PDE7B: variants seen among roughly 807,000 people sequenced by gnomAD.
The protein encoded by PDE7B is phosphodiesterase 7B.
PDE7B carries 29 observed loss-of-function variants against 56.2 expected under a neutral mutation model. The observed-to-expected ratio is 0.52, with a 90% CI of 0.38 to 0.70. The LOEUF (loss-of-function observed/expected upper bound fraction) is 0.70, where lower values mean the gene tolerates loss of function less well. Among genes scored for constraint, PDE7B ranks in the 30% least tolerant of loss-of-function variants. The pLI is 0.00. For synonymous variants in PDE7B, 197 were observed against 196.9 expected, an observed-to-expected ratio of 1.00 and a Z score of 0.00; for missense variants, 490 against 565.0, an observed-to-expected ratio of 0.87 and a Z score of 1.35.
intron 2 of PDE7B, among the ~76,000 whole-genome samples, chr6:135,962,271 A>G (rs1289915502): frequency 6.6e-6 from 1 of 152,174 alleles, no homozygotes; most frequent in Non-Finnish European, 1.5e-5. Flanking sequence ...TGTTGTTTTC[A>G]TGGACTTTAT....
intron 2 of PDE7B, among the ~76,000 whole-genome samples, chr6:135,965,628 A>T (rs1774984430): frequency 6.6e-6 from 1 of 152,156 alleles, no homozygotes; most frequent in Non-Finnish European, 1.5e-5. Context: ...CCCCTTTATA[A>T]AACCATCAGA....
chr6:136,132,280 G>C lies in PDE7B; in HGVS notation c.167-15071G>C, dbSNP rs73565084. Reference sequence around the variant, plus strand: ...TACTTTACTATACCTTTTTTTTAAAGTACCAAAACTTTAAATCCTTTGGGT... The same window carrying C: ...TACTTTACTATACCTTTTTTTTAAACTACCAAAACTTTAAATCCTTTGGGT... On this transcript the variant is annotated intron_variant, in intron 3 of 12. Transcript: ENST00000308191. Among the ~76,000 whole-genome samples, 524 of 151,600 alleles carry C rather than the reference G, an allele frequency of 3.5e-3. 1 individual carries two copies. Among genetic ancestry groups the C allele is most frequent in the African/African-American group, 0.012 (504 of 41,318 alleles).
chr6:136,125,304 G>T (rs1395509228), intron 3 of PDE7B, among the ~76,000 whole-genome samples: 1 of 152,086 alleles, frequency 6.6e-6, no homozygotes, highest in Non-Finnish European at 1.5e-5. Context: ...CCCGGGCATG[G>T]TCACTCACAC....
chr6:136,125,439 A>T (rs183591535), intron 3 of PDE7B, among the ~76,000 whole-genome samples: 13 of 152,086 alleles, frequency 8.5e-5, no homozygotes, highest in African/African-American at 2.9e-4. Flanking sequence ...TGGTGCACAC[A>T]TGTAGTTCCA....
intron 1 of PDE7B, among the ~76,000 whole-genome samples, chr6:135,867,877 A>G (rs1158749929): frequency 6.6e-6 from 1 of 152,228 alleles, no homozygotes; most frequent in East Asian, 1.9e-4. Context: ...ACAGTTTTTA[A>G]TTGCTACTTT....
chr6:136,149,012 C>T (rs186874444), intron 4 of PDE7B, 75 bp from the exon 5 acceptor site: 2 of 1,014,706 alleles, frequency 2.0e-6, no homozygotes, highest in Admixed American at 3.5e-5. Flanking sequence ...ATTGTTTAAT[C>T]CACTATATCC....
chr6:135,855,239 A>G (rs1425289286), intron 1 of PDE7B, among the ~76,000 whole-genome samples: 1 of 152,230 alleles, frequency 6.6e-6, no homozygotes, highest in African/African-American at 2.4e-5. Flanking sequence ...ATGTAAATGT[A>G]GAAGTGTCAA....
chr6:136,101,451 TG>T (rs1341353358), intron 2 of PDE7B, among the ~76,000 whole-genome samples: 1 of 152,200 alleles, frequency 6.6e-6, no homozygotes, highest in South Asian at 2.1e-4. Context: ...AACCTGTTAT[TG>T]GTCTATTCAG....
chr6:136,101,063 C>CA (rs1396408226), intron 2 of PDE7B, among the ~76,000 whole-genome samples: 1 of 152,192 alleles, frequency 6.6e-6, no homozygotes, highest in Non-Finnish European at 1.5e-5. Context: ...TAATGGATTA[C>CA]ATTTATTGAT....
intron 9 of PDE7B, among the ~76,000 whole-genome samples, chr6:136,177,235 G>A (rs1778992414): frequency 6.6e-6 from 1 of 152,036 alleles, no homozygotes; most frequent in Admixed American, 6.5e-5. Flanking sequence ...GGTGGAGATG[G>A]GAGGATCACT....
intron 1 of PDE7B, among the ~76,000 whole-genome samples, chr6:135,929,865 G>C (rs956762793): frequency 6.6e-6 from 1 of 152,144 alleles, no homozygotes; most frequent in Non-Finnish European, 1.5e-5. Context: ...AAGCTCCTAA[G>C]AGAAGTGCAG....
rs149366804 is a variant in PDE7B, at chr6:136,102,014, C to G, written c.83-6717C>G. On this transcript the variant is annotated intron_variant, in intron 2 of 12. Coordinates refer to ENST00000308191, the MANE Select transcript of PDE7B (RefSeq NM_018945.4). Reference sequence around the variant, plus strand: ...TACATCATGCGTAGTTGTTCCTGGTCTCTGTTGTGGAGAATGGAGATGCTG... The same window carrying G: ...TACATCATGCGTAGTTGTTCCTGGTGTCTGTTGTGGAGAATGGAGATGCTG... Among the ~76,000 whole-genome samples the G allele has an allele frequency of 1.4e-4, 21 of 152,316 alleles. 1 individual carries two copies. The East Asian group carries it at 4.1e-3, about 29-fold the overall frequency.
chr6:136,033,694 C>T (rs1318349135), intron 2 of PDE7B, among the ~76,000 whole-genome samples: 1 of 152,084 alleles, frequency 6.6e-6, no homozygotes, highest in East Asian at 1.9e-4. Flanking sequence ...AGTCGTTTTT[C>T]CTACTTGCTG....
At chr6:136,054,315 G>A (rs546081047) in intron 2 of PDE7B, among the ~76,000 whole-genome samples, 2 of 152,034 alleles carry the variant, frequency 1.3e-5, no homozygotes, top group South Asian at 2.1e-4. Context: ...ATAGGGAATC[G>A]TTTCCCCATT....
At chr6:136,120,575 AG>A (rs1356081768) in intron 3 of PDE7B, among the ~76,000 whole-genome samples, 1 of 152,204 alleles carries the variant, frequency 6.6e-6, no homozygotes, top group Admixed American at 6.5e-5. Context: ...GATGCAACGC[AG>A]GGGGTTTGGT....
chr6:135,964,644 C>G (rs1774961746), intron 2 of PDE7B, among the ~76,000 whole-genome samples: 1 of 152,072 alleles, frequency 6.6e-6, no homozygotes, highest in African/African-American at 2.4e-5. Context: ...ATATAATATT[C>G]TATAGCTATA....
At chr6:136,143,340 A>C (rs1406550080) in intron 3 of PDE7B, among the ~76,000 whole-genome samples, 3 of 151,714 alleles carry the variant, frequency 2.0e-5, no homozygotes, top group African/African-American at 7.3e-5. Context: ...ACACAGTGAT[A>C]CCCCCATGTC....
chr6:135,852,512 C>T (rs945740485), intron 1 of PDE7B, among the ~76,000 whole-genome samples: 2 of 151,552 alleles, frequency 1.3e-5, no homozygotes, highest in Non-Finnish European at 1.5e-5. Context: ...AAATTAGTGG[C>T]AAGAAGGGAA....
intron 2 of PDE7B, among the ~76,000 whole-genome samples, chr6:135,987,560 G>T (rs139591715): frequency 6.6e-6 from 1 of 152,138 alleles, no homozygotes; most frequent in African/African-American, 2.4e-5. Context: ...GAGTTAAGTC[G>T]CATAAGACAG....
Sources: allele counts gnomAD v4.1 joint callset (sites outside exome capture counted in the v4.1 genomes callset), GRCh38; gene constraint gnomAD v4.1.1; transcripts MANE v1.5; gene names NCBI Gene and HGNC (gene_info 2026-07-23, HGNC 2026-07-21).